The following NEMP2 variants were observed in gnomAD, a reference collection of about 807,000 sequenced individuals.
NEMP2 encodes the protein nuclear envelope integral membrane protein 2.
A neutral mutation model predicts 54.2 loss-of-function variants in NEMP2; 53 were observed. The observed-to-expected ratio is 0.98, with a 90% CI of 0.78 to 1.23. The LOEUF (loss-of-function observed/expected upper bound fraction) is 1.23. NEMP2 is among the 50% of genes most tolerant of loss of function. The probability of loss-of-function intolerance (pLI) is 0.00; values close to 1 mark genes in which losing one functional copy is unlikely to be tolerated. For missense variants in NEMP2, 455 were observed against 511.3 expected (o/e 0.89, Z 1.06); for synonymous variants, 197 against 190.3 (o/e 1.04, Z -0.29).
downstream of NEMP2, chr2:190,500,211 G>T: frequency 6.2e-7 from 1 of 1,614,126 alleles, no homozygotes; most frequent in Non-Finnish European, 8.5e-7. This position sits in a 1 kb window ranked among gnomAD's most constrained non-coding sequence, Gnocchi z 5.3. Flanking sequence ...GCCGCGGGAG[G>T]ACACTGAGGG....
chr2:190,539,810 G>A, the NEMP2 span, among the ~76,000 whole-genome samples: 1 of 152,114 alleles, frequency 6.6e-6, no homozygotes, highest in South Asian at 2.1e-4. The surrounding 1 kb of genome is among the most constrained non-coding windows in gnomAD (Gnocchi z 4.1). Context: ...ACTTCTAACA[G>A]GTTTTTTTGT....
upstream of NEMP2, among the ~76,000 whole-genome samples, chr2:190,536,888 A>G (rs1257937064): frequency 2.0e-5 from 3 of 152,178 alleles, no homozygotes; most frequent in African/African-American, 7.2e-5. Flanking sequence ...TACCCACATT[A>G]TTGACTGGAC....
chr2:190,496,397 T>A, the NEMP2 span, among the ~76,000 whole-genome samples: 1 of 152,192 alleles, frequency 6.6e-6, no homozygotes, highest in Admixed American at 6.5e-5. This position sits in a 1 kb window ranked among gnomAD's most constrained non-coding sequence, Gnocchi z 4.7. Context: ...ATGTAAGCTG[T>A]ACAAACACTA....
chr2:190,629,197 T>A, the NEMP2 span, among the ~76,000 whole-genome samples: 1 of 152,362 alleles, frequency 6.6e-6, no homozygotes, highest in East Asian at 1.9e-4. Flanking sequence ...GAAGCCATCA[T>A]GACACAGCCC....
rs1182662166 is a variant in NEMP2 at position 190,516,332 on chromosome 2, A to G, written c.665T>C (p.Ile222Thr). ...CAGATCTTCCATCAACTGGCATACA[A>G]TATAAACTGAGGCAAACCAACAACC... is the stretch of plus-strand genomic sequence containing the variant. Reference protein sequence around the residue: ...MVGCWFASVYIVCQLMEDLKW... With the variant: ...MVGCWFASVYTVCQLMEDLKW... Residue 222 changes from isoleucine (I) to threonine (T), a missense_variant, in exon 6 of 9, where the codon ATT (isoleucine) becomes ACT (threonine). This residue lies in a region of NEMP2 where 294 missense variants were observed against 333.6 expected (regional missense o/e 0.88). Coordinates refer to ENST00000409150, the MANE Select transcript of NEMP2 (RefSeq NM_001142645.2). The G allele has an allele frequency of 7.7e-6, 12 of 1,551,610 alleles. No individual in the cohort carries two copies. The highest frequency in any genetic ancestry group is 7.1e-5 in the South Asian group (6 of 84,068).
the NEMP2 span, among the ~76,000 whole-genome samples, chr2:190,596,765 CA>C: frequency 1.3e-5 from 2 of 152,026 alleles, no homozygotes; most frequent in African/African-American, 4.8e-5. This position sits in a 1 kb window ranked among gnomAD's most constrained non-coding sequence, Gnocchi z 5.1. Context: ...ATGGTGATGT[CA>C]GGGGTGCTGC....
chr2:190,432,582 A>C, the NEMP2 span, among the ~76,000 whole-genome samples: 1 of 151,926 alleles, frequency 6.6e-6, no homozygotes, highest in Admixed American at 6.6e-5. Context: ...ATGCCTGGCT[A>C]ATTTTTGTAT....
chr2:190,630,971 T>C, the NEMP2 span, among the ~76,000 whole-genome samples: 1 of 151,374 alleles, frequency 6.6e-6, no homozygotes, highest in Non-Finnish European at 1.5e-5. This position sits in a 1 kb window ranked among gnomAD's most constrained non-coding sequence, Gnocchi z 5.5. Context: ...GGGACCAGCC[T>C]GGCCAACATA....
chr2:190,491,702 A>T, the NEMP2 span, among the ~76,000 whole-genome samples: 1 of 152,208 alleles, frequency 6.6e-6, no homozygotes, highest in Non-Finnish European at 1.5e-5. This position sits in a 1 kb window ranked among gnomAD's most constrained non-coding sequence, Gnocchi z 4.2. Context: ...GCCTACCCAA[A>T]TGAGAAGGAA....
the NEMP2 span, among the ~76,000 whole-genome samples, chr2:190,462,061 A>G: frequency 6.6e-6 from 1 of 152,148 alleles, no homozygotes; most frequent in African/African-American, 2.4e-5. The surrounding 1 kb of genome is among the most constrained non-coding windows in gnomAD (Gnocchi z 5.7). Context: ...TCCTTAGGCG[A>G]TGAAGGGCCC....
At chr2:190,580,878 C>A in the NEMP2 span, among the ~76,000 whole-genome samples, 1 of 152,116 alleles carries the variant, frequency 6.6e-6, no homozygotes, top group Non-Finnish European at 1.5e-5. The surrounding 1 kb of genome is among the most constrained non-coding windows in gnomAD (Gnocchi z 5.3). Flanking sequence ...AATATTGGTG[C>A]AAAGGAAAGA....
chr2:190,634,962 C>T, the NEMP2 span, among the ~76,000 whole-genome samples: 1 of 152,192 alleles, frequency 6.6e-6, no homozygotes, highest in Non-Finnish European at 1.5e-5. This position sits in a 1 kb window ranked among gnomAD's most constrained non-coding sequence, Gnocchi z 6.8. Flanking sequence ...TCCTGTGACA[C>T]ATCTTAAATG....
the NEMP2 span, among the ~76,000 whole-genome samples, chr2:190,448,923 G>T: frequency 6.6e-6 from 1 of 152,168 alleles, no homozygotes; most frequent in South Asian, 2.1e-4. Flanking sequence ...CCGTCCTCCT[G>T]TAGAAGAGCC....
Position 190,525,317 on chromosome 2 carries a change from G to T in NEMP2, c.159C>A (p.Tyr53Ter). 1 of 1,550,664 alleles carries T rather than the reference G, an allele frequency of 6.4e-7. No homozygotes were observed. Among genetic ancestry groups the T allele is most frequent in the Non-Finnish European group, 8.7e-7 (1 of 1,146,384 alleles). Residue 53 changes from tyrosine to a stop codon, truncating the protein, a stop_gained, in exon 2 of 9, where the codon TAC becomes TAA. Coordinates refer to ENST00000409150, the MANE Select transcript of NEMP2 (RefSeq NM_001142645.2). LOFTEE classifies it high-confidence loss of function. This position sits in a 1 kb window ranked among gnomAD's most constrained non-coding sequence, Gnocchi z 5.0. ...DLIRTSESDC[Y>*]CYNQNSQVEW... is the part of the protein sequence containing the mutation. ...CCACTTGGGAATTTTGATTGTAGCA[G>T]TAACAGTCTGACTCAGACGTTCTAA...
the NEMP2 span, among the ~76,000 whole-genome samples, chr2:190,647,710 C>CTTTTTTTTT: frequency 4.5e-4 from 46 of 102,358 alleles, no homozygotes; most frequent in East Asian, 8.6e-4. Context: ...TCTTCTTCTT[C>CTTTTTTTTT]TTTTTTTTTT....
the NEMP2 span, among the ~76,000 whole-genome samples, chr2:190,613,779 A>G: frequency 4.6e-5 from 7 of 152,006 alleles, no homozygotes; most frequent in Non-Finnish European, 8.8e-5. Flanking sequence ...TAGTAGAGAC[A>G]GGATTTCACC....
the NEMP2 span, among the ~76,000 whole-genome samples, chr2:190,451,743 G>C: frequency 6.6e-6 from 1 of 152,234 alleles, no homozygotes; most frequent in Admixed American, 6.5e-5. This position sits in a 1 kb window ranked among gnomAD's most constrained non-coding sequence, Gnocchi z 5.0. Context: ...GAATGGCCAG[G>C]GAGAGGGTAA....
the NEMP2 span, chr2:190,497,488 TA>T: frequency 5.6e-6 from 9 of 1,614,076 alleles, no homozygotes; most frequent in African/African-American, 2.7e-5. The surrounding 1 kb of genome is among the most constrained non-coding windows in gnomAD (Gnocchi z 5.2). Context: ...GTCCCGTTCC[TA>T]TAGCAACCAT....
chr2:190,540,667 T>C, the NEMP2 span, among the ~76,000 whole-genome samples: 92 of 152,276 alleles, frequency 6.0e-4, no homozygotes, highest in Admixed American at 5.8e-3. Flanking sequence ...TGAGGTTTAT[T>C]AGGGATATTG....
Sources: gnomAD v4.1 joint callset for allele counts (sites outside exome capture counted in the v4.1 genomes callset) on GRCh38, gnomAD v4.1.1 for gene constraint, gnomAD v4.1.1 regional missense constraint, Gnocchi (gnomAD v3.1) non-coding constraint, MANE v1.5 for transcripts, NCBI Gene and HGNC (gene_info 2026-07-23, HGNC 2026-07-21) for gene names.